SFSWAP: variants seen among roughly 807,000 people sequenced by gnomAD.
The protein encoded by SFSWAP is splicing factor SWAP, also known as splicing factor, suppressor of white-apricot homolog.
Under a neutral mutation model 100.7 loss-of-function variants are expected in SFSWAP, and 17 were observed. The ratio of observed to expected loss-of-function variants is 0.17; its 90% CI spans 0.12 to 0.25. The LOEUF is 0.25. Ranked by LOEUF, SFSWAP falls within the 10% of genes least tolerant of loss-of-function variation. SFSWAP has a pLI of 1.00. For synonymous variants in SFSWAP, 504 were observed against 510.1 expected (o/e 0.99, Z 0.16); for missense variants, 1,005 against 1,262.6 (o/e 0.80, Z 3.09).
In SFSWAP at chr12:131,764,509, C is replaced by T; in HGVS notation, c.1774C>T (p.Pro592Ser). Residue 592 changes from proline (P) to serine (S), a missense_variant, in exon 12 of 18, where the codon CCC becomes TCC. Physicochemically the swap from Pro to Ser is moderately conservative, Grantham distance 74. Transcript: ENST00000261674. ...AIKAKENDLL[P>S]LEKNRVKLDD... ...CAAGGCCAAAGAAAATGATCTGCTT[C>T]CCCTGGAAAAAAATCGTGTTAAGCT... 6.2e-7 allele frequency: 1 copy of T among 1,614,156 alleles called. No individual in the cohort carries two copies. Among genetic ancestry groups the T allele is most frequent in the Middle Eastern group, 1.6e-4 (1 of 6,062 alleles).
chr12:131,714,837 G>A lies in SFSWAP; in HGVS notation c.404G>A (p.Arg135Gln), dbSNP rs747080897. 12 of 1,613,726 alleles carry A rather than the reference G, an allele frequency of 7.4e-6. No homozygotes were observed. Among genetic ancestry groups the A allele is most frequent in the African/African-American group, 1.3e-5 (1 of 74,888 alleles). ...TTTATTCAAGAGGAAGAATACAAGCGATTGAGTGAAGCACTAGCAGAGGAT... is the reference window on the plus strand; with the variant it reads ...TTTATTCAAGAGGAAGAATACAAGCAATTGAGTGAAGCACTAGCAGAGGAT... The part of the protein sequence containing the change: ...EEARQEEEYK[R>Q]LSEALAEDGS... The change falls in exon 3 of 18, where the codon CGA becomes CAA. Residue 135 changes from arginine to glutamine, a missense_variant. Physicochemically the swap from Arg to Gln is conservative, Grantham distance 43. Coordinates refer to ENST00000261674, the MANE Select transcript of SFSWAP (RefSeq NM_004592.4). The surrounding 1 kb of genome is among the most constrained non-coding windows in gnomAD (Gnocchi z 6.0).
chr12:131,738,885 C>CTTT lies in SFSWAP; in HGVS notation c.1081+10479_1081+10481dup, dbSNP rs71072785. ...TTCCAGTGCTGTAATGAACATTATT[C>CTTT]TTTTTTTTTTTTTTTTTTTTTTTTG... On this transcript the variant is annotated intron_variant, in intron 7 of 17. Transcript: ENST00000261674. Among the ~76,000 whole-genome samples, 105 of 48,746 alleles carry CTTT rather than the reference C, an allele frequency of 2.2e-3. 8 individuals are homozygous for CTTT. The highest frequency in any genetic ancestry group is 5.9e-3 in the East Asian group (7 of 1,180). 32.0% of individuals were successfully genotyped at this position (48,746 alleles called of 152,430 possible). A position where few individuals can be genotyped will look rare whatever the true frequency, so the allele number is the denominator to read the frequency against.
rs1267058760 is a variant in SFSWAP, at chr12:131,733,129, A to G, written c.1081+4701A>G. ...CCACTGCCAACCATGGACACCAGAG[A>G]CAAGACAAAGGACATTTTGGCCATG... On this transcript the variant is annotated intron_variant, in intron 7 of 17. Coordinates refer to ENST00000261674, the MANE Select transcript of SFSWAP (RefSeq NM_004592.4). The surrounding 1 kb of genome is among the most constrained non-coding windows in gnomAD (Gnocchi z 5.1). 6.6e-6 allele frequency among the ~76,000 whole-genome samples: 1 copy of G among 152,208 alleles called. No homozygotes were observed. The highest frequency in any genetic ancestry group is 1.5e-5 in the Non-Finnish European group (1 of 68,052).
chr12:131,739,962 C>G (rs368395736), intron 7 of SFSWAP, among the ~76,000 whole-genome samples: 1 of 152,088 alleles, frequency 6.6e-6, no homozygotes, highest in African/African-American at 2.4e-5. Context: ...TAAACAAGTA[C>G]GTTTTTACAA....
chr12:131,740,228 G>A (rs1028151066), intron 7 of SFSWAP, among the ~76,000 whole-genome samples: 1 of 152,044 alleles, frequency 6.6e-6, no homozygotes, highest in African/African-American at 2.4e-5. Context: ...GTTTTTTCAC[G>A]CTTGAAAATC....
chr12:131,744,098 C>T (rs1245153473), intron 7 of SFSWAP, among the ~76,000 whole-genome samples: 1 of 152,202 alleles, frequency 6.6e-6, no homozygotes, highest in African/African-American at 2.4e-5. Context: ...GGCCTCCAGG[C>T]CTGTGATGGG....
At chr12:131,744,283 CTG>C (rs1880920328) in intron 7 of SFSWAP, among the ~76,000 whole-genome samples, 2 of 152,236 alleles carry the variant, frequency 1.3e-5, no homozygotes, top group African/African-American at 4.8e-5. Flanking sequence ...GACCTTTATG[CTG>C]TGTTTCCTTA....
At chr12:131,740,724 T>G (rs1408222008) in intron 7 of SFSWAP, among the ~76,000 whole-genome samples, 1 of 152,178 alleles carries the variant, frequency 6.6e-6, no homozygotes, top group Admixed American at 6.5e-5. Flanking sequence ...CCATTGGTTT[T>G]GCAGTGGTAT....
At chr12:131,728,522 G>T in intron 7 of SFSWAP, 94 bp downstream of exon 7, 1 of 1,386,268 alleles carries the variant, frequency 7.2e-7, no homozygotes. Flanking sequence ...TGTCCTCCAA[G>T]TGTAACAAGT....
rs1007390056 is a variant in SFSWAP at position 131,725,756 on chromosome 12, G to C, written c.832+126G>C. On this transcript the variant is annotated intron_variant, in intron 5 of 17. Coordinates refer to ENST00000261674, the MANE Select transcript of SFSWAP (RefSeq NM_004592.4). This position sits in a 1 kb window ranked among gnomAD's most constrained non-coding sequence, Gnocchi z 4.3. ...AGATGCATGGTTGAAAGCCAGACTC[G>C]AATTTCTAGAATGTGTCTGAAATCC... is the stretch of plus-strand genomic sequence containing the variant. 2 of 689,558 alleles carry C rather than the reference G, an allele frequency of 2.9e-6. No homozygotes were observed. Among genetic ancestry groups the C allele is most frequent in the Non-Finnish European group, 5.1e-6 (2 of 394,740 alleles). The allele number at this position is 689,558 out of a possible 1,614,324, so 42.7% of individuals were successfully genotyped here. A position where few individuals can be genotyped will look rare whatever the true frequency, so the allele number is the denominator to read the frequency against.
At chr12:131,768,922 G>C (rs1474064741) in intron 13 of SFSWAP, among the ~76,000 whole-genome samples, 2 of 152,106 alleles carry the variant, frequency 1.3e-5, no homozygotes, top group African/African-American at 4.8e-5. Flanking sequence ...CCAGGAGTTC[G>C]AGATCAGTCT....
At chr12:131,715,362 A>G (rs1026026139) in intron 3 of SFSWAP, among the ~76,000 whole-genome samples, 1 of 152,164 alleles carries the variant, frequency 6.6e-6, no homozygotes, top group Admixed American at 6.5e-5. Flanking sequence ...AGACAGTGAC[A>G]CATGCCCAGT....
In SFSWAP at chr12:131,733,652, C is replaced by T. The variant is rs546455354; in HGVS notation, c.1081+5224C>T. Among the ~76,000 whole-genome samples the T allele has an allele frequency of 6.6e-6, 1 of 152,140 alleles. No homozygotes were observed. The highest frequency in any genetic ancestry group is 1.9e-4 in the East Asian group (1 of 5,148). ...CCTGGAGAGAGAAGGAGGCCTGTCACAGCATCTGTGACAGCCCGGAAGGAA... is the reference window on the plus strand; with the variant it reads ...CCTGGAGAGAGAAGGAGGCCTGTCATAGCATCTGTGACAGCCCGGAAGGAA... On this transcript the variant is annotated intron_variant, in intron 7 of 17. Transcript: ENST00000261674. This position sits in a 1 kb window ranked among gnomAD's most constrained non-coding sequence, Gnocchi z 5.1.
intron 13 of SFSWAP, among the ~76,000 whole-genome samples, chr12:131,771,008 A>T (rs1429113597): frequency 6.6e-6 from 1 of 152,180 alleles, no homozygotes; most frequent in Non-Finnish European, 1.5e-5. Flanking sequence ...CAGCAGCCGC[A>T]TTGGACCCCC....
intron 14 of SFSWAP, chr12:131,785,251 A>G (rs1030613261): frequency 1.7e-5 from 26 of 1,529,002 alleles, no homozygotes; most frequent in African/African-American, 2.8e-5. Flanking sequence ...CCTCGCCTTT[A>G]TCATCTGTTC....
chr12:131,751,960 G>A (rs1207223672), intron 7 of SFSWAP, among the ~76,000 whole-genome samples: 1 of 152,182 alleles, frequency 6.6e-6, no homozygotes, highest in East Asian at 1.9e-4. Context: ...CATGGTGGTT[G>A]GTGTGTAACA....
chr12:131,798,695 C>G (rs1885853367), intron 16 of SFSWAP, among the ~76,000 whole-genome samples: 1 of 152,046 alleles, frequency 6.6e-6, no homozygotes, highest in East Asian at 1.9e-4. Context: ...TTCGAGACCA[C>G]CCTGACCAAT....
intron 7 of SFSWAP, among the ~76,000 whole-genome samples, chr12:131,731,340 T>C (rs1285592246): frequency 9.2e-5 from 14 of 152,206 alleles, no homozygotes; most frequent in Admixed American, 9.2e-4. Context: ...CGTCTTCCTC[T>C]GCTACCCTTT....
chr12:131,797,451 G>GT, intron 16 of SFSWAP, 91 bp downstream of exon 16: 3 of 1,184,620 alleles, frequency 2.5e-6, no homozygotes, highest in Non-Finnish European at 3.5e-6. Flanking sequence ...GCCTATGTCA[G>GT]TACTCGCCTG....
Sources: gnomAD v4.1 joint callset for allele counts (sites outside exome capture counted in the v4.1 genomes callset) on GRCh38, gnomAD v4.1.1 for gene constraint, Gnocchi (gnomAD v3.1) non-coding constraint, MANE v1.5 for transcripts, NCBI Gene and HGNC (gene_info 2026-07-23, HGNC 2026-07-21) for gene names.